EFCAB13: variants seen among roughly 807,000 people sequenced by gnomAD.
EFCAB13 encodes the protein EF-hand calcium-binding domain-containing protein 13.
In EFCAB13, 91 loss-of-function variants were observed where a neutral mutation model predicts 110.2. The observed-to-expected ratio is 0.83, with a 90% CI of 0.70 to 0.98. EFCAB13 has a LOEUF of 0.98. Among genes scored for constraint, EFCAB13 ranks in the 50% least tolerant of loss-of-function variants. The pLI, the probability that EFCAB13 is intolerant of heterozygous loss-of-function variation, is 0.00. For missense variants in EFCAB13, 968 were observed against 1,119.4 expected (o/e 0.86, Z 1.93); for synonymous variants, 323 against 369.9 (o/e 0.87, Z 1.45).
chr17:47,357,024 A>T (rs570618308), intron 9 of EFCAB13, among the ~76,000 whole-genome samples: 1 of 152,288 alleles, frequency 6.6e-6, no homozygotes, highest in South Asian at 2.1e-4. Context: ...CAGCAGCGAT[A>T]GGCCTCACCC....
At chr17:47,352,749 A>G (rs998971832) in intron 9 of EFCAB13, among the ~76,000 whole-genome samples, 2 of 152,130 alleles carry the variant, frequency 1.3e-5, no homozygotes, top group East Asian at 3.8e-4. Flanking sequence ...TGTGTTCTCT[A>G]TAGTTTATTT....
At chr17:47,354,859 C>A (rs554780497) in intron 9 of EFCAB13, among the ~76,000 whole-genome samples, 2 of 152,258 alleles carry the variant, frequency 1.3e-5, no homozygotes, top group East Asian at 3.9e-4. Flanking sequence ...GCATTTAAAT[C>A]ATTTACATTC....
intron 17 of EFCAB13, 142 bp downstream of exon 17, chr17:47,396,119 T>C (rs948214631): frequency 7.6e-5 from 44 of 576,116 alleles, no homozygotes; most frequent in Middle Eastern, 4.9e-4. Context: ...TTAGGAAATA[T>C]TGTATAAAGA....
At chr17:47,336,385 G>A (rs2143238129) in intron 5 of EFCAB13, among the ~76,000 whole-genome samples, 2 of 151,684 alleles carry the variant, frequency 1.3e-5, no homozygotes, top group South Asian at 4.2e-4. Flanking sequence ...TGCGCCTCCT[G>A]GGTTCAAGCC....
chr17:47,396,572 T>C (rs2065739476), intron 17 of EFCAB13, among the ~76,000 whole-genome samples: 1 of 152,242 alleles, frequency 6.6e-6, no homozygotes, highest in Non-Finnish European at 1.5e-5. Flanking sequence ...ATTTCTACTC[T>C]CTCATAGTCT....
At chr17:47,362,436 G>A (rs2065519776) in intron 10 of EFCAB13, among the ~76,000 whole-genome samples, 1 of 152,156 alleles carries the variant, frequency 6.6e-6, no homozygotes, top group East Asian at 1.9e-4. Flanking sequence ...GCAGACCGTG[G>A]TCTAGCGGTA....
chr17:47,426,883 A>C (rs566869064), intron 23 of EFCAB13, among the ~76,000 whole-genome samples: 11 of 152,202 alleles, frequency 7.2e-5, no homozygotes, highest in Non-Finnish European at 1.0e-4. Context: ...TGTAAATTGA[A>C]TTTTTTGCCT....
intron 15 of EFCAB13, among the ~76,000 whole-genome samples, chr17:47,393,392 T>G (rs1189951675): frequency 6.6e-6 from 1 of 152,188 alleles, no homozygotes; most frequent in East Asian, 1.9e-4. Flanking sequence ...GGAAAATCTC[T>G]TGGACTTAAG....
chr17:47,407,927 T>A (rs1277530679), intron 20 of EFCAB13, among the ~76,000 whole-genome samples: 3 of 152,178 alleles, frequency 2.0e-5, no homozygotes, highest in African/African-American at 7.2e-5. Flanking sequence ...TTGGACACTT[T>A]ACTGTAGACC....
intron 16 of EFCAB13, 135 bp from the exon 17 acceptor site, chr17:47,395,699 G>T: frequency 3.7e-6 from 2 of 534,986 alleles, no homozygotes; most frequent in Non-Finnish European, 5.9e-6. Flanking sequence ...TTTGAAAGTT[G>T]GCAATTCATT....
At chr17:47,404,686 A>G in intron 20 of EFCAB13, 53 bp downstream of exon 20, 2 of 1,382,550 alleles carry the variant, frequency 1.4e-6, no homozygotes, top group Non-Finnish European at 1.0e-6. Flanking sequence ...AACTTATTCA[A>G]AGTTCACCTA....
intron 24 of EFCAB13, among the ~76,000 whole-genome samples, chr17:47,434,815 G>A (rs1260724743): frequency 6.6e-6 from 1 of 152,156 alleles, no homozygotes; most frequent in African/African-American, 2.4e-5. Context: ...AACAAATGGT[G>A]TGGGGATAAT....
rs141013743 is a variant in EFCAB13 at position 47,438,830 on chromosome 17, G to A, written c.2639-1601G>A. Among the ~76,000 whole-genome samples the A allele has an allele frequency of 9.6e-3, 1,463 of 152,060 alleles. 17 individuals are homozygous for A. The highest frequency in any genetic ancestry group is 0.013 in the Non-Finnish European group (893 of 67,996). On this transcript the variant is annotated intron_variant, in intron 24 of 24. Transcript: ENST00000331493. The stretch of plus-strand genomic sequence containing the variant: ...TCTTCTTGGTTTGGATCCATTACTG[G>A]TGAACTAGTGCGATTTTCCTACCAA...
At chr17:47,335,460 A>T in intron 5 of EFCAB13, 104 bp downstream of exon 5, 2 of 878,568 alleles carry the variant, frequency 2.3e-6, no homozygotes, top group South Asian at 4.1e-5. Context: ...TACCATGTGT[A>T]TAGGATCATG....
intron 24 of EFCAB13, among the ~76,000 whole-genome samples, chr17:47,439,434 C>T (rs1483021800): frequency 6.6e-6 from 1 of 151,986 alleles, no homozygotes; most frequent in East Asian, 1.9e-4. Context: ...ATCTCAGCCT[C>T]CCAAAGTGCT....
intron 20 of EFCAB13, among the ~76,000 whole-genome samples, chr17:47,405,204 A>G (rs2143452158): frequency 6.6e-6 from 1 of 152,298 alleles, no homozygotes; most frequent in African/African-American, 2.4e-5. Context: ...TTTGTCCACA[A>G]TACTTTTAAT....
intron 6 of EFCAB13, among the ~76,000 whole-genome samples, chr17:47,343,568 A>G (rs1416006249): frequency 6.6e-6 from 1 of 152,014 alleles, no homozygotes; most frequent in Non-Finnish European, 1.5e-5. Flanking sequence ...TCTTTTTTCC[A>G]CATCTTGCAT....
At chr17:47,371,019 C>T (rs539487392) in intron 11 of EFCAB13, among the ~76,000 whole-genome samples, 16 of 146,302 alleles carry the variant, frequency 1.1e-4, no homozygotes, top group East Asian at 2.1e-4. Context: ...AGATTACAAG[C>T]GTGAGCCACC....
chr17:47,399,483 G>C (rs1292960895), intron 17 of EFCAB13, among the ~76,000 whole-genome samples: 2 of 151,938 alleles, frequency 1.3e-5, no homozygotes, highest in African/African-American at 2.4e-5. Context: ...ATCTTATACA[G>C]TATCCTAATA....
Sources: gnomAD v4.1 joint callset for allele counts (sites outside exome capture counted in the v4.1 genomes callset) on GRCh38, gnomAD v4.1.1 for gene constraint, MANE v1.5 for transcripts, NCBI Gene and HGNC (gene_info 2026-07-23, HGNC 2026-07-21) for gene names.